PCDH19: variants seen among roughly 807,000 people sequenced by gnomAD.
The protein encoded by PCDH19 is protocadherin-19.
A neutral mutation model predicts 46.2 loss-of-function variants in PCDH19; 6 were observed. The ratio of observed to expected loss-of-function variants is 0.13; its 90% CI spans 0.07 to 0.26. PCDH19 has a LOEUF of 0.26. Ranked by LOEUF, PCDH19 falls within the 10% of genes least tolerant of loss-of-function variation. The probability of loss-of-function intolerance (pLI) is 1.00; values close to 1 mark genes in which losing one functional copy is unlikely to be tolerated. For missense variants in PCDH19, 740 were observed against 972.3 expected (o/e 0.76, Z 3.18); for synonymous variants, 481 against 415.7 (o/e 1.16, Z -1.91).
intron 3 of PCDH19, among the ~76,000 whole-genome samples, chrX:100,365,066 G>A (rs1456208761): frequency 8.9e-6 from 1 of 111,910 alleles, no homozygotes; most frequent in Non-Finnish European, 1.9e-5. Context: ...GTAGAACTGT[G>A]TATCTCAATG....
chrX:100,354,015 A>G (rs926472334), intron 3 of PCDH19, among the ~76,000 whole-genome samples: 1 of 111,986 alleles, frequency 8.9e-6, no homozygotes, highest in Admixed American at 9.4e-5. Context: ...CAGTTATGGG[A>G]AAAATCTATG....
chrX:100,397,506 TC>T (rs1928060205), intron 3 of PCDH19, among the ~76,000 whole-genome samples: 1 of 112,060 alleles, frequency 8.9e-6, no homozygotes, highest in South Asian at 3.7e-4. Flanking sequence ...AAAATTTAAA[TC>T]CCTACGGACC....
chrX:100,333,763 GTTTT>G (rs1347673583), intron 5 of PCDH19, among the ~76,000 whole-genome samples: 15 of 101,127 alleles, frequency 1.5e-4, no homozygotes, highest in Non-Finnish European at 2.6e-4. Context: ...TTTTGTTTTC[GTTTT>G]TTGTTTGTTT....
chrX:100,347,734 T>C (rs1013953806), intron 4 of PCDH19, among the ~76,000 whole-genome samples: 19 of 110,258 alleles, frequency 1.7e-4, no homozygotes, highest in African/African-American at 5.9e-4. Flanking sequence ...CTTGGATAAG[T>C]AGAAAGTGAA....
Position 100,407,080 on chromosome X carries a change from G to A in PCDH19, c.1518C>T (p.Val506=). ...QVRDMPVFTY[V]SINPNSGDIY... ...TGTCGCCTGAGTTGGGATTGATGGA[G>A]ACATAGGTGAAGACAGGCATGTCCC... Residue 506 remains valine (V), a synonymous_variant, in exon 1 of 6, where the codon GTC becomes GTT. Coordinates refer to ENST00000373034, the MANE Select transcript of PCDH19 (RefSeq NM_001184880.2). The A allele has an allele frequency of 8.3e-7, 1 of 1,211,848 alleles. No homozygotes were observed.
At chrX:100,377,179 A>C (rs186527798) in intron 3 of PCDH19, among the ~76,000 whole-genome samples, 1 of 112,233 alleles carries the variant, frequency 8.9e-6, no homozygotes, top group Admixed American at 9.4e-5. Context: ...AGGGCTGTTA[A>C]AAGAGTTTGT....
At chrX:100,363,852 C>T (rs374792372) in intron 3 of PCDH19, among the ~76,000 whole-genome samples, 3 of 4,362 alleles carry the variant, frequency 6.9e-4, no homozygotes. Flanking sequence ...GTAGAATGTG[C>T]GTGCGTGTGT....
chrX:100,362,259 G>A (rs1006441331), intron 3 of PCDH19, among the ~76,000 whole-genome samples: 1 of 111,119 alleles, frequency 9.0e-6, no homozygotes, highest in African/African-American at 3.3e-5. Flanking sequence ...CTCGAAGGAA[G>A]CTGGTACACC....
intron 4 of PCDH19, among the ~76,000 whole-genome samples, chrX:100,344,221 T>C (rs1012080975): frequency 1.8e-5 from 2 of 112,056 alleles, no homozygotes; most frequent in African/African-American, 6.5e-5. Flanking sequence ...GCTCCTTCAA[T>C]TTATGTCACA....
In PCDH19 at chrX:100,409,656, TG is replaced by T; in HGVS notation, c.-1060del. On this transcript the variant is annotated 5_prime_UTR_variant, in exon 1 of 6. Coordinates refer to ENST00000373034, the MANE Select transcript of PCDH19 (RefSeq NM_001184880.2). ...GCCAGGAGAGGCGGGGCCGCCGCCG[TG>T]GGTACCGGGTGCTTCTCTTCTCTCC... 5.1e-6 allele frequency: 1 copy of T among 194,695 alleles called. No individual in the cohort carries two copies. Among genetic ancestry groups the T allele is most frequent in the African/African-American group, 3.2e-5 (1 of 31,642 alleles). 16.0% of individuals were successfully genotyped at this position (194,695 alleles called of 1,213,427 possible).
intron 5 of PCDH19, among the ~76,000 whole-genome samples, chrX:100,302,187 T>C (rs185465403): frequency 5.4e-5 from 6 of 112,059 alleles, no homozygotes; most frequent in African/African-American, 1.6e-4. Flanking sequence ...TTAAAGATAC[T>C]GTAGAGCTAC....
In PCDH19 at chrX:100,408,758, G is replaced by C; in HGVS notation, c.-161C>G. The C allele has an allele frequency of 3.9e-6, 1 of 257,941 alleles. No homozygotes were observed. Among genetic ancestry groups the C allele is most frequent in the East Asian group, 7.4e-5 (1 of 13,585 alleles). 21.3% of individuals were successfully genotyped at this position (257,941 alleles called of 1,213,427 possible). A position where few individuals can be genotyped will look rare whatever the true frequency, so the allele number is the denominator to read the frequency against. ...GCCCAGGGCGGCCCGGCGGCGCGCGGGGGACACCCGCGGCGGCTCCAATGC... is the reference window on the plus strand; with the variant it reads ...GCCCAGGGCGGCCCGGCGGCGCGCGCGGGACACCCGCGGCGGCTCCAATGC... On this transcript the variant is annotated 5_prime_UTR_variant, in exon 1 of 6. Transcript: ENST00000373034.
At chrX:100,332,956 C>T (rs977453372) in intron 5 of PCDH19, among the ~76,000 whole-genome samples, 1 of 106,367 alleles carries the variant, frequency 9.4e-6, no homozygotes, top group African/African-American at 3.4e-5. Flanking sequence ...GAGCTGTGAT[C>T]GCACCACTGC....
chrX:100,332,092 G>A (rs1287716515), intron 5 of PCDH19, among the ~76,000 whole-genome samples: 1 of 111,994 alleles, frequency 8.9e-6, no homozygotes, highest in Non-Finnish European at 1.9e-5. Flanking sequence ...AAAAACAAGA[G>A]ACCAAAAATA....
intron 5 of PCDH19, among the ~76,000 whole-genome samples, chrX:100,331,815 T>G (rs1925879910): frequency 8.9e-6 from 1 of 111,818 alleles, no homozygotes; most frequent in Non-Finnish European, 1.9e-5. Flanking sequence ...GACTGTAAGT[T>G]TCCTGAGGCC....
In PCDH19 at chrX:100,294,458, C is replaced by T. The variant is rs1924529114; in HGVS notation, c.*1819G>A. 9.5e-6 allele frequency: 1 copy of T among 105,222 alleles called. No homozygotes were observed. Among genetic ancestry groups the T allele is most frequent in the Admixed American group, 1.0e-4 (1 of 9,659 alleles). The allele number at this position is 105,222 out of a possible 1,213,427, so 8.7% of individuals were successfully genotyped here. On this transcript the variant is annotated 3_prime_UTR_variant, in exon 6 of 6. Coordinates refer to ENST00000373034, the MANE Select transcript of PCDH19 (RefSeq NM_001184880.2). ...CCTTACCCACCCCCTCCCTCAAAAC[C>T]CTTCTCCCTCCTGTAAAAGAAAATA...
chrX:100,299,921 C>A (rs1924725263), intron 5 of PCDH19, among the ~76,000 whole-genome samples: 1 of 112,436 alleles, frequency 8.9e-6, no homozygotes, highest in South Asian at 3.7e-4. Context: ...TGGCTTGGAT[C>A]TGATACCTAT....
At chrX:100,329,893 CACA>C (rs1925822550) in intron 5 of PCDH19, among the ~76,000 whole-genome samples, 1 of 111,866 alleles carries the variant, frequency 8.9e-6, no homozygotes, top group Non-Finnish European at 1.9e-5. Context: ...GCCTGGGCGA[CACA>C]GGGAGACGCT....
intron 3 of PCDH19, among the ~76,000 whole-genome samples, chrX:100,398,136 T>C (rs1928078334): frequency 8.9e-6 from 1 of 111,810 alleles, no homozygotes; most frequent in African/African-American, 3.3e-5. Flanking sequence ...AAAAGATACC[T>C]GACATCAATA....
Sources: gnomAD v4.1 joint callset for allele counts (sites outside exome capture counted in the v4.1 genomes callset) on GRCh38, gnomAD v4.1.1 for gene constraint, MANE v1.5 for transcripts, NCBI Gene and HGNC (gene_info 2026-07-23, HGNC 2026-07-21) for gene names.